Variants in ZNF676 observed in about 807,000 individuals in gnomAD.
ZNF676 encodes zinc finger protein 676.
ZNF676 carries 4 observed loss-of-function variants against 6.0 expected under a neutral mutation model. That is an observed-to-expected ratio of 0.67 (90% confidence interval 0.33 to 1.53). The LOEUF is 1.53. Among genes scored for constraint, ZNF676 ranks in the 40% most tolerant of loss-of-function variants. ZNF676 has a pLI of 0.06. For missense variants in ZNF676, 644 were observed against 679.7 expected, an observed-to-expected ratio of 0.95 and a Z score of 0.58; for synonymous variants, 198 against 223.1, an observed-to-expected ratio of 0.89 and a Z score of 1.00.
the ZNF676 span, among the ~76,000 whole-genome samples, chr19:22,240,396 C>T: frequency 6.6e-6 from 1 of 151,934 alleles, no homozygotes; most frequent in East Asian, 1.9e-4. Flanking sequence ...AGTTGATGGG[C>T]CCAGAGATAT....
At chr19:22,228,092 G>A in the ZNF676 span, among the ~76,000 whole-genome samples, 1 of 152,180 alleles carries the variant, frequency 6.6e-6, no homozygotes, top group South Asian at 2.1e-4. Context: ...GAACATTGAT[G>A]TGAAAATCCT....
At chr19:22,222,656 G>T in the ZNF676 span, among the ~76,000 whole-genome samples, 1 of 124,030 alleles carries the variant, frequency 8.1e-6, no homozygotes, top group African/African-American at 3.6e-5. Flanking sequence ...TGGTTACAAG[G>T]GGTAAAAATC....
upstream of ZNF676, among the ~76,000 whole-genome samples, chr19:22,215,844 C>T (rs1210354397): frequency 6.7e-6 from 1 of 149,734 alleles, no homozygotes; most frequent in Admixed American, 6.7e-5. Flanking sequence ...AGCCCAGCAT[C>T]CCTGATTGGA....
chr19:22,191,998 A>G (rs1042757667), intron 2 of ZNF676, among the ~76,000 whole-genome samples: 1 of 152,214 alleles, frequency 6.6e-6, no homozygotes, highest in Admixed American at 6.6e-5. Context: ...TAGTCAAAAA[A>G]ATTTTTAAGT....
chr19:22,215,797 T>TTC (rs796940722), upstream of ZNF676: 149 of 549,310 alleles, frequency 2.7e-4, no homozygotes, highest in Admixed American at 6.1e-4. Context: ...AGCCGACCTG[T>TTC]CCCCCCCCCC....
At chr19:22,209,036 C>T (rs530417079) in intron 1 of ZNF676, among the ~76,000 whole-genome samples, 10 of 152,128 alleles carry the variant, frequency 6.6e-5, no homozygotes, top group Non-Finnish European at 1.2e-4. Flanking sequence ...GAGGCCAAGG[C>T]GGCAGATCAC....
chr19:22,181,530 A>G lies in ZNF676; in HGVS notation c.187T>C (p.Phe63Leu). ...FWPEQGIEDS[F>L]QKMILRRYDK... ...TATCTTCTCAATATCATTTTTTGGA[A>G]AGAATCTTCTATGCCTTGCTCTGGC... Residue 63 changes from phenylalanine (F) to leucine (L), a missense_variant, in exon 3 of 3, where the codon TTC becomes CTC. Phe to Leu is a conservative substitution (Grantham distance 22, BLOSUM62 0). Transcript: ENST00000397121. The G allele has an allele frequency of 6.2e-7, 1 of 1,610,698 alleles. No individual in the cohort carries two copies. The highest frequency in any genetic ancestry group is 8.5e-7 in the Non-Finnish European group (1 of 1,178,726).
rs564737230 is a variant in ZNF676 at position 22,196,801 on chromosome 19, T to C, written c.-168A>G. On this transcript the variant is annotated 5_prime_UTR_variant, in exon 1 of 3. Transcript: ENST00000397121. ...ACTTTTAATGTGACTCAAGGTAAAA[T>C]GGAGAGAGTAGAGAGAGCTGGTTCT... The C allele has an allele frequency of 1.8e-4, 243 of 1,321,626 alleles. No homozygotes were observed. In the African/African-American group the frequency reaches 3.4e-3, roughly 19 times the overall value. 81.9% of individuals were successfully genotyped at this position (1,321,626 alleles called of 1,614,324 possible). A position where few individuals can be genotyped will look rare whatever the true frequency, so the allele number is the denominator to read the frequency against.
At chr19:22,250,222 T>C in the ZNF676 span, among the ~76,000 whole-genome samples, 2 of 151,740 alleles carry the variant, frequency 1.3e-5, no homozygotes, top group Non-Finnish European at 2.9e-5. Context: ...AAATCAATAG[T>C]ACACTAATTC....
chr19:22,253,404 G>GTA, the ZNF676 span, among the ~76,000 whole-genome samples: 562 of 96,772 alleles, frequency 5.8e-3, no homozygotes, highest in African/African-American at 0.022. Flanking sequence ...ATGATAATGT[G>GTA]TATATATATA....
At chr19:22,215,543 G>C (rs1209500243) in intron 1 of ZNF676, 2 of 1,462,982 alleles carry the variant, frequency 1.4e-6, no homozygotes, top group Non-Finnish European at 1.9e-6. Flanking sequence ...AGCTGACTGC[G>C]GGTAGGCTTG....
At chr19:22,226,965 G>A in the ZNF676 span, among the ~76,000 whole-genome samples, 12 of 152,156 alleles carry the variant, frequency 7.9e-5, 1 homozygote, top group Admixed American at 1.3e-4. Context: ...TCAAATAATA[G>A]CATCAGCAAA....
chr19:22,229,067 A>G, the ZNF676 span, among the ~76,000 whole-genome samples: 1 of 152,200 alleles, frequency 6.6e-6, no homozygotes, highest in East Asian at 1.9e-4. Context: ...AAAAGAACAA[A>G]GCTGGAGACA....
the ZNF676 span, among the ~76,000 whole-genome samples, chr19:22,231,321 T>C: frequency 6.6e-6 from 1 of 151,826 alleles, no homozygotes; most frequent in Non-Finnish European, 1.5e-5. Flanking sequence ...GAGACAAAGA[T>C]ACAACAATCA....
chr19:22,180,395 C>T lies in ZNF676; in HGVS notation c.1322G>A (p.Arg441Lys). Residue 441 changes from arginine to lysine, a missense_variant, in exon 3 of 3, where the codon AGA (arginine) becomes AAA (lysine). By Grantham distance (26) the Arg-to-Lys change is conservative. Coordinates refer to ENST00000397121, the MANE Select transcript of ZNF676 (RefSeq NM_001001411.3). ...SWSSSLTEHK[R>K]IHAGEKPYKC... ...GTAGGGTTTCTCTCCAGCATGAATT[C>T]TCTTGTGTTCAGTAAGGCTTGAGGA... is the stretch of plus-strand genomic sequence containing the variant. 6.2e-7 allele frequency: 1 copy of T among 1,611,426 alleles called. No homozygotes were observed. The highest frequency in any genetic ancestry group is 8.5e-7 in the Non-Finnish European group (1 of 1,179,226).
Position 22,193,088 on chromosome 19 carries a change from G to A in ZNF676, c.58C>T (p.Leu20=), listed in dbSNP as rs201235589. The change falls in exon 2 of 3, where the codon CTG becomes TTG. Residue 20 remains leucine (L), a synonymous_variant. Transcript: ENST00000397121. ...FLGIAAFKPD[L]IIFLEQGKEP... ...TTTCCTTGCTCCAGAAAAATGATCA[G>A]GTCTGGCTTAAAGGCAGCAATACCT... is the stretch of plus-strand genomic sequence containing the variant. 6.2e-5 allele frequency: 100 copies of A among 1,605,540 alleles called. No individual in the cohort carries two copies. The highest frequency in any genetic ancestry group is 3.3e-4 in the Middle Eastern group (2 of 6,038).
At chr19:22,256,818 T>C in the ZNF676 span, among the ~76,000 whole-genome samples, 2 of 151,978 alleles carry the variant, frequency 1.3e-5, no homozygotes, top group African/African-American at 4.8e-5. Context: ...TGAAAAAATA[T>C]ATCTTAATAC....
upstream of ZNF676, among the ~76,000 whole-genome samples, chr19:22,198,437 G>C (rs2023993183): frequency 6.6e-6 from 1 of 152,178 alleles, no homozygotes; most frequent in Non-Finnish European, 1.5e-5. Context: ...CAGAAGTACA[G>C]GTTTGCAAGT....
the ZNF676 span, chr19:22,244,844 C>T: frequency 6.6e-6 from 1 of 152,240 alleles, no homozygotes; most frequent in Admixed American, 6.5e-5. Flanking sequence ...TTCGGTCCAG[C>T]TACATGTCAC....
Sources: gnomAD v4.1 joint callset for allele counts (sites outside exome capture counted in the v4.1 genomes callset) on GRCh38, gnomAD v4.1.1 for gene constraint, MANE v1.5 for transcripts, NCBI Gene and HGNC (gene_info 2026-07-23, HGNC 2026-07-21) for gene names.